The following RNF25 variants were observed in gnomAD, a reference collection of about 807,000 sequenced individuals.
The protein encoded by RNF25 is E3 ubiquitin-protein ligase RNF25.
A neutral mutation model predicts 65.0 loss-of-function variants in RNF25; 32 were observed. The observed-to-expected ratio is 0.49, with a 90% CI of 0.37 to 0.66. RNF25 has a LOEUF of 0.66. Among genes scored for constraint, RNF25 ranks in the 30% least tolerant of loss-of-function variants. The pLI is 0.00. For missense variants in RNF25, 493 were observed against 584.8 expected (o/e 0.84, Z 1.62); for synonymous variants, 207 against 221.2 (o/e 0.94, Z 0.57).
Position 218,664,797 on chromosome 2 carries a change from C to G in RNF25, c.743G>C (p.Arg248Pro), listed in dbSNP as rs147462219. ...RKRLYQRQQE[R>P]GGIIDLEAER... Reference sequence around the variant, plus strand: ...AGCCTCAAGGTCAATGATTCCCCCCCGCTCCTGCTGCCTCTGGTAGAGCCG... The same window carrying G: ...AGCCTCAAGGTCAATGATTCCCCCCGGCTCCTGCTGCCTCTGGTAGAGCCG... Residue 248 changes from arginine (R) to proline (P), a missense_variant, in exon 9 of 10, where the codon CGG becomes CCG. By Grantham distance (103) the Arg-to-Pro change is moderately radical. This residue lies in a region of RNF25 where 351 missense variants were observed against 400.2 expected (regional missense o/e 0.88). Coordinates refer to ENST00000295704, the MANE Select transcript of RNF25 (RefSeq NM_022453.3). This position sits in a 1 kb window ranked among gnomAD's most constrained non-coding sequence, Gnocchi z 5.1. The G allele has an allele frequency of 1.5e-5, 24 of 1,614,136 alleles. No individual in the cohort carries two copies. Among genetic ancestry groups the G allele is most frequent in the South Asian group, 6.6e-5 (6 of 91,094 alleles).
At position 218,664,832 on chromosome 2, in the gene RNF25, T is replaced by C; in HGVS notation, c.708A>G (p.Glu236=). Residue 236 remains glutamate (E), a synonymous_variant, in exon 9 of 10, where the codon GAA becomes GAG. Coordinates refer to ENST00000295704, the MANE Select transcript of RNF25 (RefSeq NM_022453.3). This position sits in a 1 kb window ranked among gnomAD's most constrained non-coding sequence, Gnocchi z 5.1. ...GCCTCTGGTAGAGCCGCTTGCGTTC[T>C]TCTTGCTGGCGCAAGCTCTCTGCAC... ...QPSAESLRQQ[E]ERKRLYQRQQ... is the part of the protein sequence containing the mutation. 6.2e-7 allele frequency: 1 copy of C among 1,614,240 alleles called. No individual in the cohort carries two copies. The highest frequency in any genetic ancestry group is 1.1e-5 in the South Asian group (1 of 91,090).
chr2:218,665,510 G>A (rs1164555874), intron 7 of RNF25, among the ~76,000 whole-genome samples: 5 of 152,158 alleles, frequency 3.3e-5, no homozygotes, highest in African/African-American at 1.2e-4. Flanking sequence ...GGGAGGCCGA[G>A]GCGGGCGGGA....
intron 8 of RNF25, 31 bp downstream of exon 8, chr2:218,665,124 C>T: frequency 6.3e-7 from 1 of 1,598,830 alleles, no homozygotes; most frequent in South Asian, 1.1e-5. Flanking sequence ...TACCATTACT[C>T]CTGGCTCAGA....
chr2:218,667,860 A>T (rs955372449), intron 5 of RNF25, 52 bp downstream of exon 5: 4 of 1,534,544 alleles, frequency 2.6e-6, no homozygotes, highest in Non-Finnish European at 3.6e-6. Context: ...TACAGCTAGA[A>T]ACTGCTCTAG....
Position 218,665,258 on chromosome 2 carries a change from G to C in RNF25, c.574-11C>G. On this transcript the variant is annotated splice_polypyrimidine_tract_variant and intron_variant, in intron 7 of 9. Transcript: ENST00000295704. ...CACACCGACTGCCTTCTAAAAAAGAGAAAAATCATATGCCTGTGTCACAGC... is the reference window on the plus strand; with the variant it reads ...CACACCGACTGCCTTCTAAAAAAGACAAAAATCATATGCCTGTGTCACAGC... The C allele has an allele frequency of 6.2e-7, 1 of 1,611,444 alleles. No homozygotes were observed. Among genetic ancestry groups the C allele is most frequent in the Non-Finnish European group, 8.5e-7 (1 of 1,178,650 alleles).
chr2:218,665,304 G>A (rs1375395479), intron 7 of RNF25, 57 bp from the exon 8 acceptor site: 1 of 1,503,622 alleles, frequency 6.7e-7, no homozygotes, highest in Non-Finnish European at 9.1e-7. Context: ...CCCTGGTGCT[G>A]ACCCATCAGC....
intron 1 of RNF25, among the ~76,000 whole-genome samples, chr2:218,669,678 T>C (rs573981118): frequency 8.8e-4 from 134 of 152,102 alleles, no homozygotes; most frequent in Non-Finnish European, 1.3e-3. Flanking sequence ...AAGTGATACA[T>C]GGAAAAATGC....
At position 218,664,388 on chromosome 2, in the gene RNF25, C is replaced by T; in HGVS notation, c.949G>A (p.Glu317Lys). Residue 317 changes from glutamate to lysine, a missense_variant, in exon 10 of 10, where the codon GAG becomes AAG. Glu to Lys is a moderately conservative substitution (Grantham distance 56). This residue lies in a region of RNF25 where 351 missense variants were observed against 400.2 expected (regional missense o/e 0.88). Transcript: ENST00000295704. The surrounding 1 kb of genome is among the most constrained non-coding windows in gnomAD (Gnocchi z 5.1). Reference sequence around the variant, plus strand: ...TTTGACCTGGTCCCTGGAATCTTCTCACATATGTGCTGGGTCGCCACAGGC... The same window carrying T: ...TTTGACCTGGTCCCTGGAATCTTCTTACATATGTGCTGGGTCGCCACAGGC... ...PLPVATQHICEKIPGTRSNQQ... is the reference protein window; with the variant it reads ...PLPVATQHICKKIPGTRSNQQ... 1 of 1,614,184 alleles carries T rather than the reference C, an allele frequency of 6.2e-7. No individual in the cohort carries two copies. The highest frequency in any genetic ancestry group is 8.5e-7 in the Non-Finnish European group (1 of 1,180,040).
At chr2:218,670,291 C>T (rs1939919506) in intron 1 of RNF25, among the ~76,000 whole-genome samples, 1 of 151,902 alleles carries the variant, frequency 6.6e-6, no homozygotes, top group Non-Finnish European at 1.5e-5. Flanking sequence ...GCTGGGCTCC[C>T]TGAACCAATG....
intron 1 of RNF25, among the ~76,000 whole-genome samples, chr2:218,670,028 C>G (rs531958099): frequency 6.6e-6 from 1 of 151,508 alleles, no homozygotes; most frequent in African/African-American, 2.4e-5. Context: ...GCCTGGGCAA[C>G]AAAGCGAGAC....
chr2:218,671,875 T>G (rs1939989523), intron 1 of RNF25, 55 bp downstream of exon 1: 1 of 1,603,628 alleles, frequency 6.2e-7, no homozygotes, highest in Admixed American at 1.7e-5. Flanking sequence ...CGACAGCTGC[T>G]AGGCCTCTGG....
intron 5 of RNF25, 87 bp downstream of exon 5, chr2:218,667,825 G>T (rs1241531660): frequency 3.2e-6 from 4 of 1,242,928 alleles, no homozygotes; most frequent in Non-Finnish European, 3.4e-6. Context: ...ATCCGTTTAA[G>T]ATTCTAGGCC....
intron 1 of RNF25, among the ~76,000 whole-genome samples, chr2:218,671,726 C>T (rs946257406): frequency 2.0e-5 from 3 of 152,158 alleles, no homozygotes; most frequent in Admixed American, 6.5e-5. Flanking sequence ...GCCTGGCGGG[C>T]GCCGACCCGT....
At chr2:218,666,820 CTT>C (rs1393876754) in intron 5 of RNF25, among the ~76,000 whole-genome samples, 3 of 152,242 alleles carry the variant, frequency 2.0e-5, no homozygotes, top group Admixed American at 6.5e-5. Context: ...AACCCACTCT[CTT>C]TGACTCTCAG....
At position 218,666,828 on chromosome 2, in the gene RNF25, C is replaced by T. The variant is rs1939834829; in HGVS notation, c.358-598G>A. Among the ~76,000 whole-genome samples the T allele has an allele frequency of 2.0e-5, 3 of 152,370 alleles. No homozygotes were observed. In the South Asian group the frequency reaches 6.2e-4, roughly 32 times the overall value. ...CCTATCAAACCCACTCTCTTTGACT[C>T]TCAGCCACCCACCTTCATTCTATTC... On this transcript the variant is annotated intron_variant, in intron 5 of 9. Transcript: ENST00000295704.
Position 218,664,662 on chromosome 2 carries a change from A to G in RNF25, c.801+77T>C. ...CATCTTCCTGGTTAGAACAAAGCTC[A>G]CTCTGGGGCCATGGCTGATTGGGGT... On this transcript the variant is annotated intron_variant, in intron 9 of 9. Transcript: ENST00000295704. This position sits in a 1 kb window ranked among gnomAD's most constrained non-coding sequence, Gnocchi z 5.1. 1.9e-6 allele frequency: 3 copies of G among 1,598,384 alleles called. No individual in the cohort carries two copies. The highest frequency in any genetic ancestry group is 2.6e-6 in the Non-Finnish European group (3 of 1,170,540).
Position 218,664,835 on chromosome 2 carries a change from T to C in RNF25, c.705A>G (p.Gln235=). The C allele has an allele frequency of 6.2e-7, 1 of 1,614,256 alleles. No homozygotes were observed. Among genetic ancestry groups the C allele is most frequent in the Non-Finnish European group, 8.5e-7 (1 of 1,180,034 alleles). The part of the protein sequence containing the change: ...YQPSAESLRQ[Q]EERKRLYQRQ... ...TCTGGTAGAGCCGCTTGCGTTCTTCTTGCTGGCGCAAGCTCTCTGCACTGG... is the reference window on the plus strand; with the variant it reads ...TCTGGTAGAGCCGCTTGCGTTCTTCCTGCTGGCGCAAGCTCTCTGCACTGG... The change falls in exon 9 of 10, where the codon CAA becomes CAG. Residue 235 remains glutamine (Q), a synonymous_variant. Transcript: ENST00000295704. The surrounding 1 kb of genome is among the most constrained non-coding windows in gnomAD (Gnocchi z 5.1).
intron 7 of RNF25, 59 bp downstream of exon 7, chr2:218,665,857 G>A: frequency 6.4e-7 from 1 of 1,560,268 alleles, no homozygotes; most frequent in Non-Finnish European, 8.7e-7. Flanking sequence ...AGATGGAAAA[G>A]TTTGTGAAAG....
chr2:218,665,388 G>C (rs1575113838), intron 7 of RNF25, 141 bp from the exon 8 acceptor site: 2 of 686,476 alleles, frequency 2.9e-6, no homozygotes, highest in Non-Finnish European at 5.0e-6. Context: ...GACAGAGCAC[G>C]GGTTGTCTAA....
Sources: allele counts gnomAD v4.1 joint callset (sites outside exome capture counted in the v4.1 genomes callset), GRCh38; gene constraint gnomAD v4.1.1; regional missense constraint gnomAD v4.1.1; non-coding constraint Gnocchi (gnomAD v3.1); transcripts MANE v1.5; gene names NCBI Gene and HGNC (gene_info 2026-07-23, HGNC 2026-07-21).